Variants in DIXDC1 observed in about 807,000 individuals in gnomAD.
The protein encoded by DIXDC1 is DIX domain containing 1.
In DIXDC1, 64 loss-of-function variants were observed where a neutral mutation model predicts 103.1. The observed-to-expected ratio is 0.62, with a 90% CI of 0.51 to 0.76. The LOEUF is 0.76. Among genes scored for constraint, DIXDC1 ranks in the 30% least tolerant of loss-of-function variants. The pLI, the probability that DIXDC1 is intolerant of heterozygous loss-of-function variation, is 0.00. For missense variants in DIXDC1, 759 were observed against 834.2 expected, an observed-to-expected ratio of 0.91 and a Z score of 1.11; for synonymous variants, 266 against 298.5, an observed-to-expected ratio of 0.89 and a Z score of 1.12.
intron 1 of DIXDC1, among the ~76,000 whole-genome samples, chr11:111,943,504 T>G (rs587700784): frequency 1.2e-4 from 17 of 144,442 alleles, no homozygotes; most frequent in East Asian, 5.9e-4. Flanking sequence ...TTTTTTTTTT[T>G]TTTTTTGTTT....
At chr11:111,938,661 A>T (rs1966303649) in intron 1 of DIXDC1, among the ~76,000 whole-genome samples, 1 of 152,182 alleles carries the variant, frequency 6.6e-6, no homozygotes, top group African/African-American at 2.4e-5. Context: ...CTCCAGCTGC[A>T]CTACAGACTC....
In DIXDC1 at chr11:111,940,200, T is replaced by G. The variant is rs192652419; in HGVS notation, c.60+2641T>G. On this transcript the variant is annotated intron_variant, in intron 1 of 19. Transcript: ENST00000440460. ...AATCCTTTGCCACTATGTATAGCCA[T>G]GCATGACAGAGTTTTCTCTTACCGC... Among the ~76,000 whole-genome samples, 18 of 152,396 alleles carry G rather than the reference T, an allele frequency of 1.2e-4. No homozygotes were observed. The East Asian group carries it at 1.9e-3, about 16-fold the overall frequency.
upstream of DIXDC1, chr11:111,937,127 C>CGGGGGGGGGGGGGGGGGGGGGG (rs200146124): frequency 4.0e-6 from 2 of 502,566 alleles, no homozygotes; most frequent in Admixed American, 2.9e-4. Context: ...TGCTGCGGCC[C>CGGGGGGGGGGGGGGGGGGGGGG]GGGCGGGGGG....
chr11:111,985,316 C>CAACT lies in DIXDC1; in HGVS notation c.1004_1007dup (p.Ile337ThrfsTer26). 6.2e-7 allele frequency: 1 copy of CAACT among 1,612,336 alleles called. No homozygotes were observed. The highest frequency in any genetic ancestry group is 8.5e-7 in the Non-Finnish European group (1 of 1,179,228). ...TGAACCAGGTGTCAATCCCGAGGAACAACTGGTGAGCTCCATCTTTTGTGA... is the reference window on the plus strand; with the variant it reads ...TGAACCAGGTGTCAATCCCGAGGAACAACTAACTGGTGAGCTCCATCTTTTGTGA... On this transcript the variant is annotated frameshift_variant, in exon 8 of 20. Coordinates refer to ENST00000440460, the MANE Select transcript of DIXDC1 (RefSeq NM_001037954.4). LOFTEE classifies it high-confidence loss of function.
At chr11:111,978,059 C>T (rs1185989910) in intron 5 of DIXDC1, among the ~76,000 whole-genome samples, 1 of 152,006 alleles carries the variant, frequency 6.6e-6, no homozygotes, top group Non-Finnish European at 1.5e-5. Context: ...TTCCTTATTG[C>T]CTATTACCCG....
Position 112,019,145 on chromosome 11 carries a change from C to A in DIXDC1, c.*109C>A. ...ACTAAGAAGTTTCTAGTTTGTGTGCCAAAACAGAAGCTTCTCCAAGCATGA... is the reference window on the plus strand; with the variant it reads ...ACTAAGAAGTTTCTAGTTTGTGTGCAAAAACAGAAGCTTCTCCAAGCATGA... On this transcript the variant is annotated 3_prime_UTR_variant, in exon 20 of 20. Transcript: ENST00000440460. 1 of 889,714 alleles carries A rather than the reference C, an allele frequency of 1.1e-6. No individual in the cohort carries two copies. Among genetic ancestry groups the A allele is most frequent in the Non-Finnish European group, 1.8e-6 (1 of 571,180 alleles). 55.1% of individuals were successfully genotyped at this position (889,714 alleles called of 1,614,324 possible).
intron 3 of DIXDC1, among the ~76,000 whole-genome samples, chr11:111,972,263 T>G (rs1234842134): frequency 2.0e-5 from 3 of 152,284 alleles, no homozygotes; most frequent in Non-Finnish European, 4.4e-5. Context: ...CACTGTTTTC[T>G]GCCTACATTC....
At chr11:111,980,700 A>G (rs782118665) in intron 5 of DIXDC1, 37 bp from the exon 6 acceptor site, 1 of 1,552,030 alleles carries the variant, frequency 6.4e-7, no homozygotes, top group Non-Finnish European at 8.9e-7. Context: ...ACAACTCTTC[A>G]TAATAATCGT....
chr11:111,994,394 A>T (rs1489179064), intron 14 of DIXDC1, among the ~76,000 whole-genome samples: 6 of 150,312 alleles, frequency 4.0e-5, no homozygotes, highest in Middle Eastern at 3.5e-3. Flanking sequence ...AACAAAACAA[A>T]ACATACATAT....
At chr11:111,992,381 G>T in intron 10 of DIXDC1, 34 bp from the exon 11 acceptor site, 1 of 1,517,802 alleles carries the variant, frequency 6.6e-7, no homozygotes, top group South Asian at 1.2e-5. Context: ...TTGATGAACT[G>T]AGACAACAAT....
At chr11:111,986,841 C>T (rs376537858) in intron 8 of DIXDC1, 30 bp from the exon 9 acceptor site, 1 of 1,553,326 alleles carries the variant, frequency 6.4e-7, no homozygotes, top group Non-Finnish European at 8.7e-7. Flanking sequence ...AGCATAGGTG[C>T]TTAGCCATCT....
At chr11:112,011,288 A>G (rs1861412860) in intron 17 of DIXDC1, among the ~76,000 whole-genome samples, 1 of 152,188 alleles carries the variant, frequency 6.6e-6, no homozygotes, top group Non-Finnish European at 1.5e-5. Flanking sequence ...GGCGATCATT[A>G]AAAAGTCAGG....
rs587769234 is a variant in DIXDC1 at position 112,017,874 on chromosome 11, G to A, written c.1960G>A (p.Val654Ile). The stretch of plus-strand genomic sequence containing the variant: ...AGCACTGGATCCTGAGTTTGGCACT[G>A]TCAAAGAGGAGGTAAAGAATCTGTG... ...FKALDPEFGT[V>I]KEEIFHDDDA... The change falls in exon 19 of 20, where the codon GTC becomes ATC. Residue 654 changes from valine to isoleucine, a missense_variant. Physicochemically the swap from Val to Ile is conservative, Grantham distance 29. Around this residue, in one of 3 missense-constraint regions of DIXDC1, gnomAD observed 657 missense variants for 727.5 expected, o/e 0.90. Coordinates refer to ENST00000440460, the MANE Select transcript of DIXDC1 (RefSeq NM_001037954.4). The surrounding 1 kb of genome is among the most constrained non-coding windows in gnomAD (Gnocchi z 4.0). 46 of 1,608,088 alleles carry A rather than the reference G, an allele frequency of 2.9e-5. 1 individual carries two copies. The South Asian group carries it at 5.1e-4, about 18-fold the overall frequency.
intron 14 of DIXDC1, among the ~76,000 whole-genome samples, chr11:111,994,490 CACAT>C (rs1860815115): frequency 1.3e-5 from 2 of 150,892 alleles, no homozygotes; most frequent in Admixed American, 6.6e-5. Flanking sequence ...TATATACACA[CACAT>C]ATATACATAC....
At chr11:111,937,285 A>G (rs1966236403), upstream of DIXDC1, 2 of 1,312,222 alleles carry the variant, frequency 1.5e-6, no homozygotes, top group East Asian at 6.2e-5. Context: ...AGGAACCGCG[A>G]CCGCGCCGGG....
At chr11:111,969,737 AT>A (rs1410239426) in intron 3 of DIXDC1, among the ~76,000 whole-genome samples, 1 of 152,132 alleles carries the variant, frequency 6.6e-6, no homozygotes, top group East Asian at 1.9e-4. Flanking sequence ...ATGTTGGATT[AT>A]TATATTAGTG....
upstream of DIXDC1, among the ~76,000 whole-genome samples, chr11:111,934,281 T>C (rs1214585188): frequency 2.0e-5 from 3 of 152,236 alleles, no homozygotes; most frequent in African/African-American, 7.2e-5. Context: ...AATTTTGCTA[T>C]TATTACTGTT....
At chr11:111,982,168 C>G (rs1860325568) in intron 6 of DIXDC1, 171 bp from the exon 7 acceptor site, 2 of 594,992 alleles carry the variant, frequency 3.4e-6, no homozygotes, top group African/African-American at 3.7e-5. Context: ...CCTGAGCTCA[C>G]AGCCAATTCT....
In DIXDC1 at chr11:111,964,684, T is replaced by C. The variant is rs1294051184; in HGVS notation, c.190+6T>C. The C allele has an allele frequency of 1.9e-6, 3 of 1,600,730 alleles. No homozygotes were observed. On this transcript the variant is annotated splice_donor_region_variant and intron_variant, in intron 2 of 19. Coordinates refer to ENST00000440460, the MANE Select transcript of DIXDC1 (RefSeq NM_001037954.4). ...ATATCTCATCGAGATTGTTGGTCAG[T>C]TGGCCCTGGACTCTGATACTAGAGT... is the stretch of plus-strand genomic sequence containing the variant.
Sources: gnomAD v4.1 joint callset for allele counts (sites outside exome capture counted in the v4.1 genomes callset) on GRCh38, gnomAD v4.1.1 for gene constraint, gnomAD v4.1.1 regional missense constraint, Gnocchi (gnomAD v3.1) non-coding constraint, MANE v1.5 for transcripts, NCBI Gene and HGNC (gene_info 2026-07-23, HGNC 2026-07-21) for gene names.